STK38: variants seen among roughly 807,000 people sequenced by gnomAD.
STK38 encodes the protein serine/threonine kinase 38.
STK38 carries 26 observed loss-of-function variants against 59.0 expected under a neutral mutation model. The observed-to-expected ratio is 0.44, with a 90% CI of 0.32 to 0.61. The LOEUF (loss-of-function observed/expected upper bound fraction) is 0.61, where lower values mean the gene tolerates loss of function less well. Ranked by LOEUF, STK38 falls within the 20% of genes least tolerant of loss-of-function variation. STK38 has a pLI of 0.04. For missense variants in STK38, 433 were observed against 566.0 expected, an observed-to-expected ratio of 0.76 and a Z score of 2.38; for synonymous variants, 175 against 176.6, an observed-to-expected ratio of 0.99 and a Z score of 0.07.
rs565459812 is a variant in STK38 at position 36,521,812 on chromosome 6, C to T, written c.312G>A (p.Arg104=). ...VIGRGAFGEV[R]LVQKKDTGHV... ...GTCCCGTATCTTTCTTCTGAACAAG[C>T]CGTACCTAAAAAGTTATAAAAGAAA... Residue 104 remains arginine, a synonymous_variant, in exon 5 of 14, where the codon CGG becomes CGA. Coordinates refer to ENST00000229812, the MANE Select transcript of STK38 (RefSeq NM_007271.4). 2 of 1,609,568 alleles carry T rather than the reference C, an allele frequency of 1.2e-6. No individual in the cohort carries two copies. The highest frequency in any genetic ancestry group is 2.7e-5 in the African/African-American group (2 of 74,772).
intron 2 of STK38, among the ~76,000 whole-genome samples, chr6:36,538,160 C>T (rs538718620): frequency 1.8e-4 from 28 of 151,868 alleles, no homozygotes; most frequent in Admixed American, 1.6e-3. Context: ...CAAAATTAGC[C>T]GGGCTTGGTG....
chr6:36,521,258 G>A (rs893150253), intron 5 of STK38, among the ~76,000 whole-genome samples: 3 of 152,018 alleles, frequency 2.0e-5, no homozygotes, highest in East Asian at 1.9e-4. Context: ...TTCAGGTACC[G>A]ATGAGCTACC....
At chr6:36,521,872 C>T (rs1348905288) in intron 4 of STK38, 55 bp from the exon 5 acceptor site, 5 of 1,397,324 alleles carry the variant, frequency 3.6e-6, no homozygotes, top group Non-Finnish European at 5.0e-6. Context: ...CAACCTAATG[C>T]TTTCATGTGT....
At chr6:36,540,547 T>C (rs946701462) in intron 1 of STK38, among the ~76,000 whole-genome samples, 2 of 152,192 alleles carry the variant, frequency 1.3e-5, no homozygotes, top group Non-Finnish European at 2.9e-5. Flanking sequence ...AATAAAGAGC[T>C]GTGGCTGCAT....
rs180680407 is a variant in STK38, at chr6:36,512,786, G to C, written c.669+2552C>G. ...GCTGATTCTCCTGCCTCAGCCTCCC[G>C]AGTAGCTGGGATTACAGGCACGTGC... On this transcript the variant is annotated intron_variant, in intron 7 of 13. Coordinates refer to ENST00000229812, the MANE Select transcript of STK38 (RefSeq NM_007271.4). 5.1e-3 allele frequency among the ~76,000 whole-genome samples: 778 copies of C among 151,262 alleles called. 3 individuals are homozygous for C. Among genetic ancestry groups the C allele is most frequent in the African/African-American group, 0.017 (719 of 41,164 alleles).
chr6:36,539,346 A>G (rs1777875622), intron 2 of STK38, among the ~76,000 whole-genome samples: 1 of 151,506 alleles, frequency 6.6e-6, no homozygotes, highest in Non-Finnish European at 1.5e-5. Flanking sequence ...AGATCATGCC[A>G]TTGCACTCCA....
At chr6:36,528,297 G>A (rs1256638104) in intron 2 of STK38, among the ~76,000 whole-genome samples, 1 of 152,182 alleles carries the variant, frequency 6.6e-6, no homozygotes. Flanking sequence ...GTAACCAGCA[G>A]TAATGAGGAT....
At chr6:36,542,840 G>A (rs865912) in intron 1 of STK38, among the ~76,000 whole-genome samples, 1,545 of 149,750 alleles carry the variant, frequency 0.01, 33 homozygotes, top group African/African-American at 0.036. Context: ...CAGCTACTCG[G>A]GAGGCTGAGA....
intron 7 of STK38, among the ~76,000 whole-genome samples, chr6:36,514,745 G>A (rs912997908): frequency 6.6e-6 from 1 of 151,544 alleles, no homozygotes; most frequent in Non-Finnish European, 1.5e-5. Context: ...TACTTGGGAG[G>A]CTGAGGCAAT....
At chr6:36,527,351 A>G (rs1256404375) in intron 2 of STK38, among the ~76,000 whole-genome samples, 1 of 143,696 alleles carries the variant, frequency 7.0e-6, no homozygotes, top group Non-Finnish European at 1.5e-5. Context: ...TATGTAATAT[A>G]TGTATATATA....
Position 36,496,738 on chromosome 6 carries a change from G to T in STK38, c.1240C>A (p.Pro414Thr). The T allele has an allele frequency of 6.2e-7, 1 of 1,613,464 alleles. No homozygotes were observed. Among genetic ancestry groups the T allele is most frequent in the Non-Finnish European group, 8.5e-7 (1 of 1,179,726 alleles). Residue 414 changes from proline to threonine, a missense_variant, in exon 13 of 14, where the codon CCA (proline) becomes ACA (threonine). Pro to Thr is a conservative substitution (Grantham distance 38). Coordinates refer to ENST00000229812, the MANE Select transcript of STK38 (RefSeq NM_007271.4). ...GTTGGCTTAAGAATATCAGATTCTG[G>T]AAACTCATCGAAGTTTGAGGTATCA... ...IDDTSNFDEF[P>T]ESDILKPTVA...
chr6:36,536,847 AT>A (rs879632844), intron 2 of STK38, among the ~76,000 whole-genome samples: 59 of 148,316 alleles, frequency 4.0e-4, no homozygotes, highest in Middle Eastern at 3.5e-3. Flanking sequence ...AAATTAGTTA[AT>A]TTTTTTTTTT....
chr6:36,527,184 T>TC (rs1326230688), intron 2 of STK38, among the ~76,000 whole-genome samples: 40 of 105,362 alleles, frequency 3.8e-4, no homozygotes, highest in African/African-American at 1.6e-3. Flanking sequence ...AGAGCAAGAC[T>TC]CCGTCTCAAA....
At chr6:36,504,898 C>CAAAAAAAAAAAAAAAAA (rs562032331) in intron 9 of STK38, among the ~76,000 whole-genome samples, 110 of 63,872 alleles carry the variant, frequency 1.7e-3, no homozygotes, top group Non-Finnish European at 2.0e-3. Context: ...TCCTGGCCTC[C>CAAAAAAAAAAAAAAAAA]AAAAAAAAAA....
chr6:36,543,805 C>T (rs1243131988), intron 1 of STK38, among the ~76,000 whole-genome samples: 1 of 152,046 alleles, frequency 6.6e-6, no homozygotes, highest in East Asian at 1.9e-4. Flanking sequence ...TCACCCCCAG[C>T]TAGTTTTTAG....
chr6:36,517,056 C>T (rs746188660), intron 6 of STK38, among the ~76,000 whole-genome samples: 2 of 152,036 alleles, frequency 1.3e-5, no homozygotes, highest in Non-Finnish European at 2.9e-5. Flanking sequence ...AGGGTTGTCA[C>T]AAAATCAAAA....
intron 7 of STK38, among the ~76,000 whole-genome samples, chr6:36,511,739 T>C (rs1016398575): frequency 3.9e-5 from 6 of 151,958 alleles, no homozygotes; most frequent in African/African-American, 1.4e-4. Flanking sequence ...ATATCTTACC[T>C]GGACAACTCT....
intron 9 of STK38, among the ~76,000 whole-genome samples, chr6:36,500,413 A>G (rs955560221): frequency 6.6e-6 from 1 of 152,080 alleles, no homozygotes; most frequent in Non-Finnish European, 1.5e-5. Flanking sequence ...TTTGATGCTC[A>G]AAATGGCTTT....
intron 13 of STK38, among the ~76,000 whole-genome samples, chr6:36,496,426 C>T (rs77908513): frequency 0.035 from 5,319 of 152,174 alleles, 159 homozygotes; most frequent in South Asian, 0.13. Flanking sequence ...TTTATTTTCC[C>T]ATTCCTGTCA....
Sources: gnomAD v4.1 joint callset for allele counts (sites outside exome capture counted in the v4.1 genomes callset) on GRCh38, gnomAD v4.1.1 for gene constraint, MANE v1.5 for transcripts, NCBI Gene and HGNC (gene_info 2026-07-23, HGNC 2026-07-21) for gene names.